The following MYT1L variants were observed in gnomAD, a reference collection of about 807,000 sequenced individuals.
The protein encoded by MYT1L is myelin transcription factor 1 like.
Under a neutral mutation model 126.7 loss-of-function variants are expected in MYT1L, and 12 were observed. That is an observed-to-expected ratio of 0.09 (90% CI 0.06 to 0.15). The LOEUF (loss-of-function observed/expected upper bound fraction) is 0.15. MYT1L is among the 10% of genes least tolerant of loss of function. MYT1L has a pLI of 1.00. For synonymous variants in MYT1L, 541 were observed against 604.2 expected (o/e 0.90, Z 1.53); for missense variants, 979 against 1,585.2 (o/e 0.62, Z 6.49).
At chr2:1,854,885 C>T (rs997929228) in intron 18 of MYT1L, among the ~76,000 whole-genome samples, 3 of 152,188 alleles carry the variant, frequency 2.0e-5, no homozygotes, top group African/African-American at 7.2e-5. Context: ...TCAGGCTGCC[C>T]TCAACGTCCT....
chr2:1,874,526 G>C lies in MYT1L; in HGVS notation c.2711+12013C>G, dbSNP rs901417716. Among the ~76,000 whole-genome samples, 5 of 152,324 alleles carry C rather than the reference G, an allele frequency of 3.3e-5. No homozygotes were observed. In the East Asian group the frequency reaches 9.7e-4, roughly 29 times the overall value. ...GGCCATGTGGGCTCAGGGCATGATG[G>C]GGGGCAGCCAGGCGTACCTAATGGG... On this transcript the variant is annotated intron_variant, in intron 18 of 24. Coordinates refer to ENST00000647738, the MANE Select transcript of MYT1L (RefSeq NM_001303052.2).
intron 4 of MYT1L, among the ~76,000 whole-genome samples, chr2:2,024,124 A>C (rs1311084478): frequency 6.6e-6 from 1 of 152,216 alleles, no homozygotes; most frequent in African/African-American, 2.4e-5. Flanking sequence ...AAAAATTAAC[A>C]TATTTTATCT....
At chr2:2,151,552 G>A (rs2148311712) in intron 3 of MYT1L, among the ~76,000 whole-genome samples, 1 of 152,312 alleles carries the variant, frequency 6.6e-6, no homozygotes, top group Non-Finnish European at 1.5e-5. Flanking sequence ...TATAGGAAGT[G>A]CAATATGACA....
intron 21 of MYT1L, among the ~76,000 whole-genome samples, chr2:1,821,996 C>A (rs1347840522): frequency 6.6e-6 from 1 of 152,182 alleles, no homozygotes; most frequent in Admixed American, 6.5e-5. Context: ...TTCAACTACT[C>A]CTCTGTTTTC....
At chr2:2,071,864 C>A (rs990865686) in intron 3 of MYT1L, among the ~76,000 whole-genome samples, 1 of 152,076 alleles carries the variant, frequency 6.6e-6, no homozygotes, top group Non-Finnish European at 1.5e-5. Flanking sequence ...CAGGCTCAGG[C>A]GTGAGAACAG....
intron 2 of MYT1L, among the ~76,000 whole-genome samples, chr2:2,201,533 A>C (rs1465027636): frequency 6.6e-6 from 1 of 152,030 alleles, no homozygotes; most frequent in Non-Finnish European, 1.5e-5. Flanking sequence ...CCCTGTCTCT[A>C]CTGAAAATAC....
At chr2:2,003,510 A>G (rs1321499734) in intron 4 of MYT1L, among the ~76,000 whole-genome samples, 9 of 152,066 alleles carry the variant, frequency 5.9e-5, no homozygotes, top group Admixed American at 5.9e-4. Flanking sequence ...GTGTGGCTTG[A>G]TTCCCACTGA....
At chr2:1,939,941 G>C (rs913439206) in intron 9 of MYT1L, among the ~76,000 whole-genome samples, 1 of 152,262 alleles carries the variant, frequency 6.6e-6, no homozygotes, top group Non-Finnish European at 1.5e-5. Flanking sequence ...TGTCTTAGGA[G>C]AAATGCATTT....
At chr2:2,312,233 C>T (rs1437614397) in intron 1 of MYT1L, among the ~76,000 whole-genome samples, 2 of 152,190 alleles carry the variant, frequency 1.3e-5, no homozygotes, top group Non-Finnish European at 2.9e-5. Context: ...GTGTCTCTGT[C>T]TTTGGCTTCT....
At chr2:1,828,485 T>C (rs2039672811) in intron 21 of MYT1L, 1 of 152,276 alleles carries the variant, frequency 6.6e-6, no homozygotes, top group South Asian at 2.1e-4. Flanking sequence ...CTCTCTGTTA[T>C]GGAATAAAAA....
At chr2:2,283,183 T>G (rs1237437201) in intron 2 of MYT1L, among the ~76,000 whole-genome samples, 1 of 152,236 alleles carries the variant, frequency 6.6e-6, no homozygotes, top group Non-Finnish European at 1.5e-5. Context: ...TTAAAATCTT[T>G]TTGAAGACTG....
chr2:2,291,032 A>C (rs950426628), intron 1 of MYT1L, among the ~76,000 whole-genome samples: 5 of 152,028 alleles, frequency 3.3e-5, no homozygotes, highest in Admixed American at 1.3e-4. Context: ...ATAAAAATCA[A>C]TTTAGATTAT....
intron 14 of MYT1L, among the ~76,000 whole-genome samples, chr2:1,901,384 C>T (rs1329141399): frequency 2.0e-5 from 3 of 152,212 alleles, no homozygotes; most frequent in African/African-American, 7.2e-5. Flanking sequence ...AACTTAATTT[C>T]TTTTGATCCT....
At chr2:1,883,272 G>C (rs999294633) in intron 18 of MYT1L, among the ~76,000 whole-genome samples, 1 of 152,178 alleles carries the variant, frequency 6.6e-6, no homozygotes, top group Non-Finnish European at 1.5e-5. Flanking sequence ...CTCTGTGATC[G>C]AAATGAGTTT....
At chr2:2,172,140 T>C (rs2090135066) in intron 3 of MYT1L, among the ~76,000 whole-genome samples, 1 of 152,136 alleles carries the variant, frequency 6.6e-6, no homozygotes, top group African/African-American at 2.4e-5. Context: ...CATATTTCAG[T>C]CTTGTCGACC....
At chr2:2,020,836 A>G (rs1026966924) in intron 4 of MYT1L, among the ~76,000 whole-genome samples, 4 of 151,840 alleles carry the variant, frequency 2.6e-5, no homozygotes, top group African/African-American at 9.7e-5. Flanking sequence ...GATTTTCAAA[A>G]TGTAGATCTT....
intron 1 of MYT1L, among the ~76,000 whole-genome samples, chr2:2,297,453 G>T (rs981994474): frequency 6.6e-6 from 1 of 152,188 alleles, no homozygotes; most frequent in East Asian, 1.9e-4. Context: ...AAACCTGGCA[G>T]AAACCTGCTC....
rs146627272 is a variant in MYT1L at position 2,235,859 on chromosome 2, C to A, written c.-421+48545G>T. On this transcript the variant is annotated intron_variant, in intron 2 of 24. Coordinates refer to ENST00000647738, the MANE Select transcript of MYT1L (RefSeq NM_001303052.2). Reference sequence around the variant, plus strand: ...TCTAATTAAAATATTTCTCTAGCATCAAGAAAATGTGGTTGTGAATGGCTT... The same window carrying A: ...TCTAATTAAAATATTTCTCTAGCATAAAGAAAATGTGGTTGTGAATGGCTT... 9.0e-4 allele frequency among the ~76,000 whole-genome samples: 137 copies of A among 152,282 alleles called. 1 individual carries two copies. In the East Asian group the frequency reaches 0.024, roughly 27 times the overall value.
intron 11 of MYT1L, among the ~76,000 whole-genome samples, chr2:1,916,522 T>C (rs2052856897): frequency 6.6e-6 from 1 of 152,246 alleles, no homozygotes. Context: ...CTTTATGTGC[T>C]GAAAGGATAA....
Sources: gnomAD v4.1 joint callset for allele counts (sites outside exome capture counted in the v4.1 genomes callset) on GRCh38, gnomAD v4.1.1 for gene constraint, MANE v1.5 for transcripts, NCBI Gene and HGNC (gene_info 2026-07-23, HGNC 2026-07-21) for gene names.